The following TBX15 variants were observed in gnomAD, a reference collection of about 807,000 sequenced individuals.
TBX15 encodes T-box transcription factor 15.
In TBX15, 18 loss-of-function variants were observed where a neutral mutation model predicts 53.9. The ratio of observed to expected loss-of-function variants is 0.33; its 90% CI spans 0.23 to 0.49. TBX15 has a LOEUF of 0.49. TBX15 is among the 20% of genes least tolerant of loss of function. TBX15 has a pLI of 0.98. For missense variants in TBX15, 692 were observed against 749.5 expected, an observed-to-expected ratio of 0.92 and a Z score of 0.90; for synonymous variants, 295 against 278.0, an observed-to-expected ratio of 1.06 and a Z score of -0.61.
Position 118,926,598 on chromosome 1 carries a change from C to A in TBX15, c.433G>T (p.Ala145Ser), listed in dbSNP as rs371178648. The A allele has an allele frequency of 5.7e-5, 92 of 1,613,376 alleles. No individual in the cohort carries two copies. Among genetic ancestry groups the A allele is most frequent in the Non-Finnish European group, 7.5e-5 (88 of 1,179,684 alleles). The change falls in exon 3 of 8, where the codon GCC becomes TCC. Residue 145 changes from alanine (A) to serine (S), a missense_variant. This residue lies in a region of TBX15 where 307 missense variants were observed against 347.5 expected (regional missense o/e 0.88). Transcript: ENST00000369429. ...AGGCCAGTGATTTTCACTCTCATGG[C>A]AGGAAACATCCTCCTATGAAGATGA... is the stretch of plus-strand genomic sequence containing the variant. ...ITKAGRRMFPAMRVKITGLDP... is the reference protein window; with the variant it reads ...ITKAGRRMFPSMRVKITGLDP...
intron 3 of TBX15, 41 bp downstream of exon 3, chr1:118,926,469 C>G: frequency 6.5e-7 from 1 of 1,537,008 alleles, no homozygotes; most frequent in Non-Finnish European, 9.0e-7. Context: ...TCTTGGAATG[C>G]TGGTGATACC....
At chr1:118,974,345 C>T (rs1657349517) in intron 1 of TBX15, among the ~76,000 whole-genome samples, 1 of 152,066 alleles carries the variant, frequency 6.6e-6, no homozygotes, top group South Asian at 2.1e-4. Flanking sequence ...CTCTTTTTTG[C>T]TTCTGAAAGC....
chr1:118,883,126 G>A lies in TBX15; in HGVS notation c.*1606C>T, dbSNP rs1653777692. 6.5e-6 allele frequency: 1 copy of A among 152,672 alleles called. No individual in the cohort carries two copies. Among genetic ancestry groups the A allele is most frequent in the Middle Eastern group, 3.4e-3 (1 of 294 alleles). 9.5% of individuals were successfully genotyped at this position (152,672 alleles called of 1,614,324 possible). On this transcript the variant is annotated 3_prime_UTR_variant, in exon 8 of 8. Transcript: ENST00000369429. ...GTTCCGTGCATAAGGGCAAATTTTT[G>A]TACACCTTTTCTTCATACATATTTT... is the stretch of plus-strand genomic sequence containing the variant.
intron 1 of TBX15, among the ~76,000 whole-genome samples, chr1:118,959,004 G>C (rs1656780051): frequency 7.1e-6 from 1 of 141,022 alleles, no homozygotes; most frequent in African/African-American, 2.6e-5. Context: ...GGCCTTAGTG[G>C]TCATCAGAAG....
chr1:118,964,609 T>A (rs12021544), intron 1 of TBX15, among the ~76,000 whole-genome samples: 1 of 152,144 alleles, frequency 6.6e-6, no homozygotes, highest in African/African-American at 2.4e-5. Context: ...GCAGGGACTA[T>A]TCCTTACTCA....
At chr1:118,943,973 T>C (rs1303349339) in intron 1 of TBX15, among the ~76,000 whole-genome samples, 1 of 151,928 alleles carries the variant, frequency 6.6e-6, no homozygotes. Context: ...TCATCCACCA[T>C]CCCACACCAC....
chr1:118,896,966 A>G (rs116424559), intron 7 of TBX15, among the ~76,000 whole-genome samples: 2,153 of 152,242 alleles, frequency 0.014, 64 homozygotes, highest in African/African-American at 0.049. Context: ...CTCTAACCCC[A>G]TCCCATCACC....
intron 1 of TBX15, among the ~76,000 whole-genome samples, chr1:118,949,421 G>T (rs1007587572): frequency 6.6e-6 from 1 of 152,202 alleles, no homozygotes; most frequent in Non-Finnish European, 1.5e-5. Context: ...ACACAGTTGT[G>T]GTTTTAATGG....
chr1:118,894,690 C>T lies in TBX15; in HGVS notation c.1024+4338G>A, dbSNP rs186188983. Among the ~76,000 whole-genome samples, 16 of 152,104 alleles carry T rather than the reference C, an allele frequency of 1.1e-4. 1 individual carries two copies. The East Asian group carries it at 1.5e-3, about 15-fold the overall frequency. On this transcript the variant is annotated intron_variant, in intron 7 of 7. Coordinates refer to ENST00000369429, the MANE Select transcript of TBX15 (RefSeq NM_001330677.2). ...GGGGTAGGGCAGGGAGGGAAACTTC[C>T]GGGATATCAAGTGTTCTCCTTCCCC... is the stretch of plus-strand genomic sequence containing the variant.
intron 1 of TBX15, among the ~76,000 whole-genome samples, chr1:118,980,371 C>A (rs575387223): frequency 6.6e-6 from 1 of 152,248 alleles, no homozygotes; most frequent in Non-Finnish European, 1.5e-5. Flanking sequence ...ATAATAATGA[C>A]CTCTCTAATG....
chr1:118,906,489 T>C (rs1338440), intron 6 of TBX15, among the ~76,000 whole-genome samples: 3,762 of 152,240 alleles, frequency 0.025, 66 homozygotes, highest in Admixed American at 0.046. Context: ...CCACCTTCCA[T>C]TGGGTGTTGT....
intron 6 of TBX15, 25 bp downstream of exon 6, chr1:118,914,090 G>A (rs1459964177): frequency 1.2e-6 from 2 of 1,612,312 alleles, no homozygotes; most frequent in Non-Finnish European, 1.7e-6. Flanking sequence ...TAGAAAAGAA[G>A]TGCCTCTTCC....
intron 1 of TBX15, among the ~76,000 whole-genome samples, chr1:118,953,356 A>G (rs1051104494): frequency 5.9e-5 from 9 of 152,256 alleles, no homozygotes. Context: ...GAGATTAAAT[A>G]GAATCTTGGC....
At chr1:118,983,495 G>A (rs1309449326) in intron 1 of TBX15, among the ~76,000 whole-genome samples, 2 of 152,024 alleles carry the variant, frequency 1.3e-5, no homozygotes, top group East Asian at 3.9e-4. Flanking sequence ...AAAGGCCCTT[G>A]GCGGTCATCC....
intron 6 of TBX15, among the ~76,000 whole-genome samples, chr1:118,910,474 G>T (rs1178726205): frequency 6.6e-6 from 1 of 152,122 alleles, no homozygotes; most frequent in Non-Finnish European, 1.5e-5. Context: ...TTGATGGAAG[G>T]TGGTGAACTG....
At chr1:118,953,847 C>A (rs114794344) in intron 1 of TBX15, among the ~76,000 whole-genome samples, 1,739 of 152,300 alleles carry the variant, frequency 0.011, 31 homozygotes, top group African/African-American at 0.038. Flanking sequence ...AATGAACAGT[C>A]TGAAATGAAC....
intron 1 of TBX15, among the ~76,000 whole-genome samples, chr1:118,938,890 A>T (rs186744100): frequency 2.0e-5 from 3 of 152,280 alleles, no homozygotes; most frequent in African/African-American, 7.2e-5. Flanking sequence ...GATTCTGTAT[A>T]TTAGGCATTT....
rs1001121950 is a variant in TBX15, at chr1:118,975,852, T to C, written c.205+11739A>G. On this transcript the variant is annotated intron_variant, in intron 1 of 7. Coordinates refer to ENST00000369429, the MANE Select transcript of TBX15 (RefSeq NM_001330677.2). Reference sequence around the variant, plus strand: ...TAACATCTGTCTTGGAGATAAAACATAGGGCAGAGTCTAATTTGAACACTG... The same window carrying C: ...TAACATCTGTCTTGGAGATAAAACACAGGGCAGAGTCTAATTTGAACACTG... 6.2e-4 allele frequency among the ~76,000 whole-genome samples: 95 copies of C among 152,262 alleles called. 1 individual carries two copies. The highest frequency in any genetic ancestry group is 2.2e-3 in the African/African-American group (91 of 41,542).
intron 7 of TBX15, among the ~76,000 whole-genome samples, chr1:118,886,980 G>A (rs948730000): frequency 1.3e-5 from 2 of 152,330 alleles, no homozygotes; most frequent in African/African-American, 4.8e-5. Context: ...CCTTCAGTGT[G>A]TTCTCAGATA....
Sources: gnomAD v4.1 joint callset for allele counts (sites outside exome capture counted in the v4.1 genomes callset) on GRCh38, gnomAD v4.1.1 for gene constraint, gnomAD v4.1.1 regional missense constraint, MANE v1.5 for transcripts, NCBI Gene and HGNC (gene_info 2026-07-23, HGNC 2026-07-21) for gene names.